SP140: variants seen among roughly 807,000 people sequenced by gnomAD.
SP140 encodes nuclear body protein SP140.
In SP140, 81 loss-of-function variants were observed where a neutral mutation model predicts 125.0. That is an observed-to-expected ratio of 0.65 (90% CI 0.54 to 0.78). SP140 has a LOEUF of 0.78. Ranked by LOEUF, SP140 falls within the 30% of genes least tolerant of loss-of-function variation. SP140 has a pLI of 0.00. For synonymous variants in SP140, 312 were observed against 354.0 expected (o/e 0.88, Z 1.33); for missense variants, 858 against 1,037.0 (o/e 0.83, Z 2.37).
chr2:230,298,830 T>C (rs1054619547), intron 22 of SP140, among the ~76,000 whole-genome samples: 2 of 152,204 alleles, frequency 1.3e-5, no homozygotes, highest in Admixed American at 1.3e-4. Context: ...TTAGGATTTG[T>C]TTAAGATCCC....
At chr2:230,299,700 T>G (rs921566300) in intron 22 of SP140, among the ~76,000 whole-genome samples, 2 of 152,148 alleles carry the variant, frequency 1.3e-5, no homozygotes, top group African/African-American at 4.8e-5. Flanking sequence ...ATGGGGGTGC[T>G]TCTTCCTGGG....
chr2:230,215,870 GA>G (rs2045105190), intron 3 of SP140, among the ~76,000 whole-genome samples: 1 of 152,100 alleles, frequency 6.6e-6, no homozygotes, highest in African/African-American at 2.4e-5. Context: ...GATTGCTATG[GA>G]ACTGAATAAC....
intron 18 of SP140, among the ~76,000 whole-genome samples, chr2:230,289,378 G>C (rs539363008): frequency 1.3e-5 from 2 of 152,270 alleles, no homozygotes; most frequent in South Asian, 4.2e-4. Flanking sequence ...TTGTCAGATA[G>C]ATAGACTGCA....
chr2:230,284,434 T>G (rs768895129), intron 16 of SP140, 23 bp downstream of exon 16: 4 of 1,593,118 alleles, frequency 2.5e-6, no homozygotes, highest in Non-Finnish European at 3.4e-6. Context: ...AGTGAAGTAG[T>G]TACAGCTTTT....
chr2:230,313,571 T>C (rs1022536031), downstream of SP140, among the ~76,000 whole-genome samples: 2 of 152,206 alleles, frequency 1.3e-5, no homozygotes, highest in Non-Finnish European at 2.9e-5. Flanking sequence ...GTTTAGCTTT[T>C]GGCCACACGA....
intron 21 of SP140, 65 bp downstream of exon 21, chr2:230,294,383 AT>A: frequency 8.1e-7 from 1 of 1,238,992 alleles, no homozygotes; most frequent in Non-Finnish European, 1.2e-6. Flanking sequence ...ACAAAATCTT[AT>A]TTTATGGGGT....
chr2:230,248,123 G>GTCTCCCACCCCAT, intron 8 of SP140, 58 bp downstream of exon 8: 1 of 1,563,174 alleles, frequency 6.4e-7, no homozygotes, highest in Non-Finnish European at 8.7e-7. Flanking sequence ...TGCCAACATG[G>GTCTCCCACCCCAT]GGTGGGAGAC....
chr2:230,292,905 T>G, intron 20 of SP140, 117 bp downstream of exon 20: 1 of 1,461,830 alleles, frequency 6.8e-7, no homozygotes, highest in Non-Finnish European at 9.3e-7. Flanking sequence ...CCAGTGGGTT[T>G]ATCCTCTCAC....
At chr2:230,256,897 G>A (rs2051305134) in intron 12 of SP140, among the ~76,000 whole-genome samples, 1 of 152,176 alleles carries the variant, frequency 6.6e-6, no homozygotes, top group African/African-American at 2.4e-5. Context: ...GTTTTTCAGA[G>A]TACTCTGATA....
chr2:230,250,790 G>T (rs753450106), intron 9 of SP140, among the ~76,000 whole-genome samples, 191 bp from the exon 10 acceptor site: 1 of 152,274 alleles, frequency 6.6e-6, no homozygotes. Flanking sequence ...GCTGATGGAT[G>T]GTTCTCAGCC....
intron 10 of SP140, among the ~76,000 whole-genome samples, chr2:230,252,091 A>G (rs1253297827): frequency 6.6e-6 from 1 of 152,098 alleles, no homozygotes; most frequent in Non-Finnish European, 1.5e-5. Flanking sequence ...TAACAAGTAA[A>G]GCAAGCTTAA....
At chr2:230,298,548 G>GT (rs2057979981) in intron 22 of SP140, among the ~76,000 whole-genome samples, 1 of 152,160 alleles carries the variant, frequency 6.6e-6, no homozygotes, top group Non-Finnish European at 1.5e-5. Flanking sequence ...GGAGGTTTAG[G>GT]TTTCACAGCT....
At chr2:230,301,188 G>T (rs375272048) in intron 22 of SP140, among the ~76,000 whole-genome samples, 1 of 152,158 alleles carries the variant, frequency 6.6e-6, no homozygotes, top group East Asian at 1.9e-4. Context: ...GTGTTCCTCA[G>T]CAAGAAATCT....
chr2:230,308,124 G>T (rs1326698049), intron 22 of SP140, among the ~76,000 whole-genome samples: 1 of 151,508 alleles, frequency 6.6e-6, no homozygotes. Flanking sequence ...TATTCTAAGT[G>T]AAGTAACTCA....
chr2:230,192,792 A>G, the SP140 span, among the ~76,000 whole-genome samples: 10 of 152,200 alleles, frequency 6.6e-5, no homozygotes, highest in African/African-American at 2.2e-4. Flanking sequence ...TGTGGCTATC[A>G]TATGGTCTAT....
intron 12 of SP140, among the ~76,000 whole-genome samples, chr2:230,265,893 A>T (rs775653451): frequency 4.6e-5 from 7 of 152,072 alleles, no homozygotes; most frequent in Non-Finnish European, 1.0e-4. Context: ...TTATGTACGT[A>T]TAAAAGAAAA....
At chr2:230,195,841 C>A in the SP140 span, among the ~76,000 whole-genome samples, 1 of 151,678 alleles carries the variant, frequency 6.6e-6, no homozygotes, top group Admixed American at 6.6e-5. Context: ...ACTATTAAAG[C>A]AAAAACAAAA....
chr2:230,197,470 A>G, the SP140 span, among the ~76,000 whole-genome samples: 1 of 149,894 alleles, frequency 6.7e-6, no homozygotes, highest in Admixed American at 6.7e-5. Context: ...TAGGTTGCGA[A>G]AATTTTCTCC....
chr2:230,212,559 T>C (rs1304379991), intron 1 of SP140: 30 of 1,035,978 alleles, frequency 2.9e-5, no homozygotes, highest in Non-Finnish European at 1.2e-5. Context: ...GTCCCGGGAG[T>C]GGGAAGCAGG....
Sources: allele counts gnomAD v4.1 joint callset (sites outside exome capture counted in the v4.1 genomes callset), GRCh38; gene constraint gnomAD v4.1.1; transcripts MANE v1.5; gene names NCBI Gene and HGNC (gene_info 2026-07-23, HGNC 2026-07-21).